RANBP2: variants seen among roughly 807,000 people sequenced by gnomAD.
The protein encoded by RANBP2 is E3 SUMO-protein ligase RanBP2.
A neutral mutation model predicts 303.6 loss-of-function variants in RANBP2; 57 were observed. The ratio of observed to expected loss-of-function variants is 0.19; its 90% confidence interval spans 0.15 to 0.23. RANBP2 has a LOEUF of 0.23. RANBP2 is among the 10% of genes least tolerant of loss of function. The pLI is 1.00. For synonymous variants in RANBP2, 1,167 were observed against 1,301.5 expected, an observed-to-expected ratio of 0.90 and a Z score of 2.23; for missense variants, 3,138 against 3,780.8, an observed-to-expected ratio of 0.83 and a Z score of 4.46.
chr2:108,847,340 C>T, the RANBP2 span, among the ~76,000 whole-genome samples: 1 of 152,160 alleles, frequency 6.6e-6, no homozygotes. Context: ...TGTATATTGT[C>T]TATGACTCTT....
At chr2:108,936,031 A>G in the RANBP2 span, among the ~76,000 whole-genome samples, 1 of 152,138 alleles carries the variant, frequency 6.6e-6, no homozygotes, top group Non-Finnish European at 1.5e-5. Context: ...CGTCCTCCCT[A>G]CTGGTCACCA....
the RANBP2 span, among the ~76,000 whole-genome samples, chr2:109,660,527 C>A: frequency 6.6e-6 from 1 of 152,192 alleles, no homozygotes; most frequent in South Asian, 2.1e-4. Flanking sequence ...ATAGTCAAGA[C>A]CCTCCACCAG....
At chr2:109,717,271 C>CAAAAAAAAAAAAAAAAAAAAAAAA in the RANBP2 span, among the ~76,000 whole-genome samples, 3 of 80,826 alleles carry the variant, frequency 3.7e-5, no homozygotes, top group Non-Finnish European at 5.7e-5. Flanking sequence ...TAAAAACAAA[C>CAAAAAAAAAAAAAAAAAAAAAAAA]CAAAAAAAAA....
At chr2:109,603,593 G>A in the RANBP2 span, among the ~76,000 whole-genome samples, 9 of 152,050 alleles carry the variant, frequency 5.9e-5, no homozygotes, top group Admixed American at 5.2e-4. Flanking sequence ...CAGACCCCAG[G>A]TATTGTGGAT....
At chr2:108,956,992 G>A in the RANBP2 span, among the ~76,000 whole-genome samples, 3 of 152,260 alleles carry the variant, frequency 2.0e-5, no homozygotes, top group South Asian at 2.1e-4. Context: ...GTTTCTCCAC[G>A]TTGGTCAGAC....
the RANBP2 span, among the ~76,000 whole-genome samples, chr2:109,126,001 A>G: frequency 5.3e-5 from 8 of 152,360 alleles, no homozygotes; most frequent in South Asian, 1.7e-3. Flanking sequence ...AGGAGATGTC[A>G]TGTAAAAAGC....
At chr2:109,218,832 A>G in the RANBP2 span, among the ~76,000 whole-genome samples, 1 of 152,204 alleles carries the variant, frequency 6.6e-6, no homozygotes, top group Non-Finnish European at 1.5e-5. Context: ...GAGGTGATTA[A>G]TCAAACACAC....
chr2:109,364,778 G>C, the RANBP2 span, among the ~76,000 whole-genome samples: 1 of 152,178 alleles, frequency 6.6e-6, no homozygotes, highest in Admixed American at 6.5e-5. Context: ...CTTGCCCCCA[G>C]TAGGTAAGGC....
At chr2:109,120,302 G>A in the RANBP2 span, among the ~76,000 whole-genome samples, 6 of 152,340 alleles carry the variant, frequency 3.9e-5, no homozygotes, top group Admixed American at 2.6e-4. Context: ...AACAACCAGG[G>A]CTTTGGTGGA....
chr2:108,932,257 G>A, the RANBP2 span, among the ~76,000 whole-genome samples: 6 of 152,122 alleles, frequency 3.9e-5, no homozygotes, highest in East Asian at 5.8e-4. Flanking sequence ...GGCTGAGCGC[G>A]GTGGCTCACA....
Position 108,744,157 on chromosome 2 carries a change from A to G in RANBP2, c.976-2554A>G, listed in dbSNP as rs188793848. Among the ~76,000 whole-genome samples, 795 of 152,348 alleles carry G rather than the reference A, an allele frequency of 5.2e-3. 1 individual carries two copies. Among genetic ancestry groups the G allele is most frequent in the Non-Finnish European group, 9.0e-3 (611 of 68,038 alleles). On this transcript the variant is annotated intron_variant, in intron 7 of 28. Transcript: ENST00000283195. ...GGTGGCTCACGCCTATGATCTTAGC[A>G]CTTTGGGAGGCTGAGGCGGGCGGAT... is the stretch of plus-strand genomic sequence containing the variant.
chr2:109,263,410 G>T, the RANBP2 span, among the ~76,000 whole-genome samples: 1 of 152,106 alleles, frequency 6.6e-6, no homozygotes, highest in African/African-American at 2.4e-5. Context: ...TAGCTTTTCT[G>T]GTTGTAAAAT....
At chr2:109,284,587 G>A in the RANBP2 span, among the ~76,000 whole-genome samples, 1 of 152,180 alleles carries the variant, frequency 6.6e-6, no homozygotes, top group Non-Finnish European at 1.5e-5. Flanking sequence ...GGTGGTTTTG[G>A]CTGGATGAAG....
the RANBP2 span, among the ~76,000 whole-genome samples, chr2:108,826,001 A>G: frequency 6.6e-6 from 1 of 152,174 alleles, no homozygotes; most frequent in Admixed American, 6.5e-5. Flanking sequence ...TGTTTCCCTG[A>G]TGACTAATGT....
chr2:109,250,334 G>T, the RANBP2 span, among the ~76,000 whole-genome samples: 1 of 152,038 alleles, frequency 6.6e-6, no homozygotes, highest in South Asian at 2.1e-4. Flanking sequence ...TTCTAAACAT[G>T]CACAAGCTAA....
chr2:109,514,838 C>T, the RANBP2 span, among the ~76,000 whole-genome samples: 9 of 152,280 alleles, frequency 5.9e-5, 2 homozygotes, highest in East Asian at 1.4e-3. Flanking sequence ...GCCCTGGGCA[C>T]GGCGGTCACT....
chr2:109,339,699 C>G, the RANBP2 span, among the ~76,000 whole-genome samples: 2 of 152,206 alleles, frequency 1.3e-5, no homozygotes, highest in African/African-American at 4.8e-5. Flanking sequence ...AAGTACTCCT[C>G]TAAGTACCCA....
the RANBP2 span, among the ~76,000 whole-genome samples, chr2:109,380,020 T>C: frequency 6.6e-6 from 1 of 152,180 alleles, no homozygotes; most frequent in Middle Eastern, 3.4e-3. Flanking sequence ...AAGAAATAAA[T>C]GAGTGTAAAG....
the RANBP2 span, among the ~76,000 whole-genome samples, chr2:109,385,059 G>A: frequency 1.3e-5 from 2 of 152,230 alleles, no homozygotes; most frequent in Non-Finnish European, 2.9e-5. Flanking sequence ...GTCCCGGCAT[G>A]CTGGCCTTCC....
Sources: gnomAD v4.1 joint callset for allele counts (sites outside exome capture counted in the v4.1 genomes callset) on GRCh38, gnomAD v4.1.1 for gene constraint, MANE v1.5 for transcripts, NCBI Gene and HGNC (gene_info 2026-07-23, HGNC 2026-07-21) for gene names.